Variants in NHERF1 observed in about 807,000 individuals in gnomAD.
NHERF1 encodes NHERF family PDZ scaffold protein 1.
At chr17:74,762,208 C>G in the NHERF1 span, 5 of 1,610,748 alleles carry the variant, frequency 3.1e-6, no homozygotes, top group Non-Finnish European at 4.2e-6. This position sits in a 1 kb window ranked among gnomAD's most constrained non-coding sequence, Gnocchi z 4.2. Flanking sequence ...TCTGACTGCC[C>G]CCACCCCCTG....
At chr17:74,765,175 C>T in the NHERF1 span, among the ~76,000 whole-genome samples, 404 of 152,280 alleles carry the variant, frequency 2.7e-3, 4 homozygotes, top group African/African-American at 9.2e-3. Context: ...GGAGGGGATA[C>T]CCAGGACACA....
At chr17:74,750,397 C>G in the NHERF1 span, among the ~76,000 whole-genome samples, 1 of 152,192 alleles carries the variant, frequency 6.6e-6, no homozygotes, top group Non-Finnish European at 1.5e-5. Flanking sequence ...ATGGGAGTGT[C>G]CGTGGGGCTA....
the NHERF1 span, chr17:74,748,696 G>C: frequency 1.5e-6 from 1 of 660,838 alleles, no homozygotes; most frequent in South Asian, 2.1e-5. The surrounding 1 kb of genome is among the most constrained non-coding windows in gnomAD (Gnocchi z 4.3). Context: ...GGCGGCCGAC[G>C]GTTCCTGGGA....
the NHERF1 span, among the ~76,000 whole-genome samples, chr17:74,754,704 C>T: frequency 6.6e-5 from 10 of 152,290 alleles, no homozygotes; most frequent in African/African-American, 1.4e-4. Flanking sequence ...GTTTCAAACT[C>T]CTGACCTCAG....
the NHERF1 span, chr17:74,768,281 G>A: frequency 7.5e-5 from 110 of 1,473,080 alleles, 2 homozygotes; most frequent in South Asian, 5.9e-4. Context: ...ACAGGAAGCC[G>A]ATTCCCAGGC....
the NHERF1 span, among the ~76,000 whole-genome samples, chr17:74,756,718 C>G: frequency 6.6e-6 from 1 of 152,192 alleles, no homozygotes; most frequent in East Asian, 1.9e-4. Context: ...ACTTGAGCAA[C>G]TGACTCCAGC....
the NHERF1 span, among the ~76,000 whole-genome samples, chr17:74,765,103 T>G: frequency 6.6e-6 from 1 of 151,854 alleles, no homozygotes; most frequent in Non-Finnish European, 1.5e-5. Flanking sequence ...GTGAGCCCAG[T>G]GAAGGTGACC....
At chr17:74,766,632 C>T in the NHERF1 span, among the ~76,000 whole-genome samples, 4 of 151,914 alleles carry the variant, frequency 2.6e-5, no homozygotes, top group Admixed American at 1.3e-4. Flanking sequence ...AAATGGCAAA[C>T]GTAGGCCAGA....
the NHERF1 span, chr17:74,767,971 A>G: frequency 1.4e-6 from 1 of 714,034 alleles, no homozygotes; most frequent in Non-Finnish European, 2.6e-6. Flanking sequence ...TGATCCCCAA[A>G]GGAATGTAAA....
the NHERF1 span, chr17:74,748,948 G>C: frequency 1.7e-5 from 27 of 1,605,854 alleles, no homozygotes; most frequent in Non-Finnish European, 2.1e-5. This position sits in a 1 kb window ranked among gnomAD's most constrained non-coding sequence, Gnocchi z 4.3. Flanking sequence ...AGAAGGGCAA[G>C]TTGGGCCAGT....
the NHERF1 span, chr17:74,763,551 G>C: frequency 6.4e-7 from 1 of 1,560,908 alleles, no homozygotes. Context: ...GGCCGTCCTG[G>C]GGCTGGAGCC....
the NHERF1 span, chr17:74,769,289 C>T: frequency 6.6e-6 from 1 of 152,370 alleles, no homozygotes; most frequent in Non-Finnish European, 1.5e-5. Context: ...TACCCCTGCC[C>T]ATCCCTGAGC....
chr17:74,756,366 C>T, the NHERF1 span, among the ~76,000 whole-genome samples: 1 of 150,166 alleles, frequency 6.7e-6, no homozygotes, highest in Non-Finnish European at 1.5e-5. Context: ...GCAACCTCCG[C>T]CTCCTGGGTT....
the NHERF1 span, among the ~76,000 whole-genome samples, chr17:74,761,704 A>C: frequency 6.6e-6 from 1 of 152,146 alleles, no homozygotes; most frequent in Non-Finnish European, 1.5e-5. The surrounding 1 kb of genome is among the most constrained non-coding windows in gnomAD (Gnocchi z 4.3). Context: ...TTCACCTTAG[A>C]CTGTCAGAAG....
the NHERF1 span, among the ~76,000 whole-genome samples, chr17:74,753,982 G>A: frequency 6.6e-6 from 1 of 152,064 alleles, no homozygotes; most frequent in Non-Finnish European, 1.5e-5. Flanking sequence ...TGGCCAACAT[G>A]GTAAAAACCC....
the NHERF1 span, chr17:74,768,671 CCCAGTGACTGGCAGG>C: frequency 6.2e-7 from 1 of 1,611,164 alleles, no homozygotes; most frequent in Middle Eastern, 1.7e-4. Context: ...CCTGCTGCCA[CCCAGTGACTGGCAGG>C]GCCGAGCCAG....
the NHERF1 span, among the ~76,000 whole-genome samples, chr17:74,758,919 C>T: frequency 1.3e-5 from 2 of 152,198 alleles, no homozygotes; most frequent in Non-Finnish European, 2.9e-5. The surrounding 1 kb of genome is among the most constrained non-coding windows in gnomAD (Gnocchi z 4.3). Context: ...AGGGACTCCC[C>T]TGCCAGCCCC....
At chr17:74,768,194 GC>G in the NHERF1 span, 1 of 1,613,848 alleles carries the variant, frequency 6.2e-7, no homozygotes, top group South Asian at 1.1e-5. Context: ...AGAGCCCCAG[GC>G]CAGCCCTGGT....
the NHERF1 span, chr17:74,767,108 C>T: frequency 1.2e-6 from 1 of 806,298 alleles, no homozygotes; most frequent in Non-Finnish European, 2.2e-6. Flanking sequence ...CCAGCTCCTT[C>T]TTCAGCTCCA....
Sources: gnomAD v4.1 joint callset for allele counts (sites outside exome capture counted in the v4.1 genomes callset) on GRCh38, gnomAD v4.1.1 for gene constraint, Gnocchi (gnomAD v3.1) non-coding constraint, MANE v1.5 for transcripts, NCBI Gene and HGNC (gene_info 2026-07-23, HGNC 2026-07-21) for gene names.